CDC42BPA: variants seen among roughly 807,000 people sequenced by gnomAD.
The protein encoded by CDC42BPA is serine/threonine-protein kinase MRCK alpha.
A neutral mutation model predicts 223.5 loss-of-function variants in CDC42BPA; 80 were observed. The ratio of observed to expected loss-of-function variants is 0.36; its 90% confidence interval spans 0.30 to 0.43. The LOEUF is 0.43. Ranked by LOEUF, CDC42BPA falls within the 20% of genes least tolerant of loss-of-function variation. The pLI, the probability that CDC42BPA is intolerant of heterozygous loss-of-function variation, is 1.00. For synonymous variants in CDC42BPA, 694 were observed against 718.6 expected, an observed-to-expected ratio of 0.97 and a Z score of 0.55; for missense variants, 1,743 against 2,099.9, an observed-to-expected ratio of 0.83 and a Z score of 3.32.
chr1:227,141,025 C>T (rs1306909827), intron 9 of CDC42BPA, among the ~76,000 whole-genome samples: 1 of 152,000 alleles, frequency 6.6e-6, no homozygotes, highest in Admixed American at 6.6e-5. Flanking sequence ...AGTCAAGTGC[C>T]CTAGAAGACA....
chr1:227,312,421 C>G (rs1207438405), intron 1 of CDC42BPA, among the ~76,000 whole-genome samples: 1 of 152,294 alleles, frequency 6.6e-6, no homozygotes, highest in South Asian at 2.1e-4. Context: ...CATAAAATTT[C>G]CAACATACTG....
chr1:227,155,852 A>G (rs1662653650), intron 6 of CDC42BPA, among the ~76,000 whole-genome samples: 1 of 152,214 alleles, frequency 6.6e-6, no homozygotes, highest in African/African-American at 2.4e-5. Context: ...GGGAGGATAG[A>G]GAGGATGTGT....
intron 2 of CDC42BPA, among the ~76,000 whole-genome samples, chr1:227,218,438 C>T (rs1469320871): frequency 1.3e-5 from 2 of 152,076 alleles, no homozygotes; most frequent in Non-Finnish European, 2.9e-5. Flanking sequence ...TTATAAAAAG[C>T]TTATTCTGTG....
At chr1:227,245,875 C>G (rs185736591) in intron 2 of CDC42BPA, among the ~76,000 whole-genome samples, 19 of 152,248 alleles carry the variant, frequency 1.2e-4, no homozygotes, top group African/African-American at 4.6e-4. Context: ...TCAAAGGAGA[C>G]CCAGCACATT....
intron 1 of CDC42BPA, 42 bp from the exon 2 acceptor site, chr1:227,254,197 G>A: frequency 9.8e-7 from 1 of 1,020,658 alleles, no homozygotes; most frequent in Non-Finnish European, 1.5e-6. Flanking sequence ...TTAATAAAAT[G>A]TGATGCAAAT....
chr1:227,147,339 C>CA lies in CDC42BPA; in HGVS notation c.894+19dup. ...GTGTTATTTACCACATTAATTTGAA[C>CA]AAAAGTAAAACATACTAACTTTGTG... On this transcript the variant is annotated intron_variant, in intron 7 of 36. Transcript: ENST00000366766. The CA allele has an allele frequency of 6.4e-7, 1 of 1,572,184 alleles. No individual in the cohort carries two copies. Among genetic ancestry groups the CA allele is most frequent in the Non-Finnish European group, 8.7e-7 (1 of 1,153,892 alleles).
intron 1 of CDC42BPA, among the ~76,000 whole-genome samples, chr1:227,307,426 AAGTATATACC>A (rs1692746632): frequency 6.6e-6 from 1 of 152,214 alleles, no homozygotes; most frequent in African/African-American, 2.4e-5. Context: ...ACCTACGGTT[AAGTATATACC>A]AGCATTTCCC....
intron 27 of CDC42BPA, among the ~76,000 whole-genome samples, chr1:227,032,806 G>A (rs1047491168): frequency 3.3e-5 from 5 of 152,154 alleles, no homozygotes; most frequent in African/African-American, 1.2e-4. Flanking sequence ...CCAGATGTAA[G>A]AGCAAGGTCA....
chr1:227,284,776 C>T lies in CDC42BPA; in HGVS notation c.179-30621G>A, dbSNP rs977620351. On this transcript the variant is annotated intron_variant, in intron 1 of 36. Transcript: ENST00000366766. ...AGGACTTCGAGACCAGCCTGGGCAA[C>T]ATGGCAAAACCCTGTCTCTACCCAA... Among the ~76,000 whole-genome samples the T allele has an allele frequency of 1.3e-5, 2 of 151,990 alleles. 1 individual carries two copies. The highest frequency in any genetic ancestry group is 3.9e-4 in the East Asian group (2 of 5,186).
At chr1:227,140,821 G>C (rs1440885753) in intron 9 of CDC42BPA, among the ~76,000 whole-genome samples, 1 of 152,208 alleles carries the variant, frequency 6.6e-6, no homozygotes, top group African/African-American at 2.4e-5. Context: ...AAGTAGACGA[G>C]AGGAGAGGTC....
intron 20 of CDC42BPA, among the ~76,000 whole-genome samples, chr1:227,070,254 CTAATAAGAAT>C: frequency 6.6e-6 from 1 of 151,868 alleles, no homozygotes; most frequent in African/African-American, 2.4e-5. Context: ...AGAGTATGCA[CTAATAAGAAT>C]AATCCTTTAT....
At chr1:227,126,679 G>C (rs917427550) in intron 11 of CDC42BPA, among the ~76,000 whole-genome samples, 1 of 152,070 alleles carries the variant, frequency 6.6e-6, no homozygotes, top group East Asian at 1.9e-4. Flanking sequence ...ATGTATGGCT[G>C]GTTCAATACT....
chr1:227,022,016 C>T (rs1341094019), intron 32 of CDC42BPA, among the ~76,000 whole-genome samples: 1 of 92,128 alleles, frequency 1.1e-5, no homozygotes, highest in East Asian at 3.2e-4. Context: ...GAGACTCCGT[C>T]TCCCCCGCAA....
At position 227,318,007 on chromosome 1, in the gene CDC42BPA, G is replaced by A. The variant is rs1160713707; in HGVS notation, c.-825C>T. The A allele has an allele frequency of 1.0e-5, 4 of 383,492 alleles. No individual in the cohort carries two copies. In the East Asian group the frequency reaches 1.1e-4, roughly 11 times the overall value. The allele number at this position is 383,492 out of a possible 1,614,324, so 23.8% of individuals were successfully genotyped here. A position where few individuals can be genotyped will look rare whatever the true frequency, so the allele number is the denominator to read the frequency against. ...GCGGGCGGCACTGGCACCGGGCTCC[G>A]GAGAAGCGGCTACTTGGCCGCCCGA... On this transcript the variant is annotated 5_prime_UTR_variant, in exon 1 of 37. Coordinates refer to ENST00000366766, the MANE Select transcript of CDC42BPA (RefSeq NM_001394014.1).
At chr1:227,217,774 T>C (rs1675130488) in intron 2 of CDC42BPA, among the ~76,000 whole-genome samples, 1 of 152,108 alleles carries the variant, frequency 6.6e-6, no homozygotes, top group Non-Finnish European at 1.5e-5. Flanking sequence ...CCAACTAGCC[T>C]TTGCACTTGT....
intron 24 of CDC42BPA, among the ~76,000 whole-genome samples, chr1:227,038,758 C>T (rs1670806287): frequency 6.6e-6 from 1 of 152,172 alleles, no homozygotes; most frequent in South Asian, 2.1e-4. Context: ...GGAGATGCAA[C>T]ATGGCTTTAC....
intron 5 of CDC42BPA, among the ~76,000 whole-genome samples, chr1:227,161,278 A>G (rs1663840118): frequency 6.6e-6 from 1 of 152,192 alleles, no homozygotes; most frequent in Non-Finnish European, 1.5e-5. Context: ...AACCTTAGAA[A>G]AATAATCATA....
intron 3 of CDC42BPA, among the ~76,000 whole-genome samples, chr1:227,212,340 G>C (rs1674069526): frequency 6.6e-6 from 1 of 152,058 alleles, no homozygotes; most frequent in Non-Finnish European, 1.5e-5. Context: ...GATTTCTAAA[G>C]GCGAATTTGT....
At chr1:227,020,168 T>A (rs1433798967) in intron 32 of CDC42BPA, among the ~76,000 whole-genome samples, 13 of 152,202 alleles carry the variant, frequency 8.5e-5, no homozygotes, top group Admixed American at 3.3e-4. Context: ...AGTGCTGGGA[T>A]TACAGGTGTG....
Sources: gnomAD v4.1 joint callset for allele counts (sites outside exome capture counted in the v4.1 genomes callset) on GRCh38, gnomAD v4.1.1 for gene constraint, MANE v1.5 for transcripts, NCBI Gene and HGNC (gene_info 2026-07-23, HGNC 2026-07-21) for gene names.